CSMD1: variants seen among roughly 807,000 people sequenced by gnomAD.
The protein encoded by CSMD1 is CUB and sushi domain-containing protein 1.
CSMD1 carries 213 observed loss-of-function variants against 417.5 expected under a neutral mutation model. The observed-to-expected ratio is 0.51, with a 90% CI of 0.46 to 0.57. CSMD1 has a LOEUF of 0.57. CSMD1 is among the 20% of genes least tolerant of loss of function. The pLI is 0.00. For missense variants in CSMD1, 6,923 were observed against 4,529.7 expected (o/e 1.53, Z -15.17); for synonymous variants, 2,862 against 1,736.8 (o/e 1.65, Z -16.11).
chr8:3,013,910 C>G (rs953072619), intron 52 of CSMD1, among the ~76,000 whole-genome samples: 7 of 152,020 alleles, frequency 4.6e-5, no homozygotes, highest in Non-Finnish European at 7.4e-5. Context: ...TGGGAAGAAC[C>G]TTATTAATAA....
At chr8:2,972,596 T>C (rs1804554553) in intron 57 of CSMD1, among the ~76,000 whole-genome samples, 1 of 152,168 alleles carries the variant, frequency 6.6e-6, no homozygotes, top group South Asian at 2.1e-4. Flanking sequence ...TACCACCACT[T>C]CCTACGATGC....
intron 5 of CSMD1, among the ~76,000 whole-genome samples, chr8:3,766,209 T>C (rs900814896): frequency 7.9e-5 from 12 of 152,174 alleles, no homozygotes; most frequent in South Asian, 6.2e-4. Flanking sequence ...GCCAGCACAG[T>C]GGTGCGCTTT....
Position 3,359,315 on chromosome 8 carries a change from A to T in CSMD1, c.3141T>A (p.Asp1047Glu). ...TTCGGCTGAAGGCAGGGACTCCAGG[A>T]TCATCACATGGCTCCAGGTCATATT... ...FSEYDLEPCDDPGVPAFSRRI... is the reference protein window; with the variant it reads ...FSEYDLEPCDEPGVPAFSRRI... The change falls in exon 21 of 70, where the codon GAT (aspartate) becomes GAA (glutamate). Residue 1047 changes from aspartate (D) to glutamate (E), a missense_variant. Transcript: ENST00000635120. 6.2e-7 allele frequency: 1 copy of T among 1,613,810 alleles called. No homozygotes were observed. Among genetic ancestry groups the T allele is most frequent in the Non-Finnish European group, 8.5e-7 (1 of 1,179,830 alleles).
chr8:3,191,515 T>C (rs1463557085), intron 33 of CSMD1, among the ~76,000 whole-genome samples: 4 of 152,100 alleles, frequency 2.6e-5, no homozygotes, highest in South Asian at 4.1e-4. Context: ...GAGACTTTCC[T>C]AGGTTCTGTA....
intron 3 of CSMD1, among the ~76,000 whole-genome samples, chr8:4,148,183 C>G (rs796286070): frequency 2.2e-4 from 34 of 152,172 alleles, no homozygotes; most frequent in Middle Eastern, 6.8e-3. Context: ...TCAGCTGGGA[C>G]CACTATAACT....
At chr8:3,452,267 G>C (rs572185570) in intron 12 of CSMD1, among the ~76,000 whole-genome samples, 1 of 152,156 alleles carries the variant, frequency 6.6e-6, no homozygotes, top group African/African-American at 2.4e-5. Context: ...TGGAAAAAGG[G>C]ACAATTTGAC....
intron 3 of CSMD1, among the ~76,000 whole-genome samples, chr8:4,103,502 A>G (rs1428985755): frequency 3.3e-5 from 5 of 150,964 alleles, no homozygotes; most frequent in African/African-American, 1.2e-4. Context: ...AAATAAACAT[A>G]TAAATATATA....
chr8:4,952,961 G>C (rs1429817405), intron 1 of CSMD1, among the ~76,000 whole-genome samples: 1 of 152,156 alleles, frequency 6.6e-6, no homozygotes, highest in Non-Finnish European at 1.5e-5. Context: ...TGATACAAAA[G>C]TAGAAGGCTG....
At chr8:3,063,744 T>C (rs997648446) in intron 49 of CSMD1, among the ~76,000 whole-genome samples, 1 of 152,196 alleles carries the variant, frequency 6.6e-6, no homozygotes, top group African/African-American at 2.4e-5. Context: ...AAATACTATG[T>C]GATTCTACTT....
intron 5 of CSMD1, among the ~76,000 whole-genome samples, chr8:3,823,059 C>T (rs535649590): frequency 7.2e-5 from 11 of 152,120 alleles, no homozygotes; most frequent in East Asian, 3.9e-4. Flanking sequence ...TCTATGGTTC[C>T]GGAAGAGATT....
intron 1 of CSMD1, among the ~76,000 whole-genome samples, chr8:4,768,070 C>A (rs1248381247): frequency 1.3e-5 from 2 of 152,266 alleles, no homozygotes; most frequent in South Asian, 2.1e-4. Flanking sequence ...CAGCCCCTTG[C>A]ATAGGACCTT....
intron 4 of CSMD1, among the ~76,000 whole-genome samples, chr8:4,020,374 ATTTAATCCTT>A (rs1796727897): frequency 1.3e-5 from 2 of 152,184 alleles, no homozygotes; most frequent in African/African-American, 4.8e-5. Flanking sequence ...GTTGTATTTC[ATTTAATCCTT>A]AAACTGACAC....
chr8:4,445,346 G>T (rs573288673), intron 2 of CSMD1, among the ~76,000 whole-genome samples: 41 of 152,174 alleles, frequency 2.7e-4, no homozygotes, highest in South Asian at 1.2e-3. Context: ...AGAAGTGTAT[G>T]AAGTCTTTTC....
chr8:4,440,794 G>C (rs890589234), intron 2 of CSMD1, among the ~76,000 whole-genome samples: 7 of 151,828 alleles, frequency 4.6e-5, no homozygotes, highest in African/African-American at 7.3e-5. Context: ...TCAGCAGTTC[G>C]GGACCAGCCT....
chr8:4,566,634 C>G (rs1353320618), intron 2 of CSMD1, among the ~76,000 whole-genome samples: 2 of 104,724 alleles, frequency 1.9e-5, no homozygotes, highest in African/African-American at 7.7e-5. Flanking sequence ...GCCTGGGTGA[C>G]AGAGGGAGAC....
At chr8:4,972,351 G>A (rs774254413) in intron 1 of CSMD1, among the ~76,000 whole-genome samples, 2 of 152,104 alleles carry the variant, frequency 1.3e-5, no homozygotes, top group Non-Finnish European at 2.9e-5. Context: ...GGGAGACCGG[G>A]TGCAGGTAAT....
At chr8:4,154,814 G>A (rs953799035) in intron 3 of CSMD1, among the ~76,000 whole-genome samples, 1 of 152,192 alleles carries the variant, frequency 6.6e-6, no homozygotes, top group African/African-American at 2.4e-5. Flanking sequence ...ATGTTGGAAA[G>A]AGAGGCACGA....
intron 5 of CSMD1, among the ~76,000 whole-genome samples, chr8:3,944,541 A>G (rs989563293): frequency 6.6e-6 from 1 of 152,132 alleles, no homozygotes; most frequent in Non-Finnish European, 1.5e-5. Context: ...TACCACACAT[A>G]TATTCAAGGA....
At position 3,038,194 on chromosome 8, in the gene CSMD1, C is replaced by G. The variant is rs186058467; in HGVS notation, c.7661-8681G>C. Among the ~76,000 whole-genome samples the G allele has an allele frequency of 9.3e-4, 141 of 152,302 alleles. 1 individual carries two copies. Among genetic ancestry groups the G allele is most frequent in the African/African-American group, 3.1e-3 (130 of 41,576 alleles). On this transcript the variant is annotated intron_variant, in intron 50 of 69. Coordinates refer to ENST00000635120, the MANE Select transcript of CSMD1 (RefSeq NM_033225.6). ...GCCATGGAATCTGATCTCAGCGAGA[C>G]AAGACCAACACTAAATTCACCTCAT...
Sources: allele counts gnomAD v4.1 joint callset (sites outside exome capture counted in the v4.1 genomes callset), GRCh38; gene constraint gnomAD v4.1.1; transcripts MANE v1.5; gene names NCBI Gene and HGNC (gene_info 2026-07-23, HGNC 2026-07-21).